The following SGPP2 variants were observed in gnomAD, a reference collection of about 807,000 sequenced individuals.
SGPP2 encodes the protein sphingosine 1-phosphate phosphohydrolase 2.
In SGPP2, 30 loss-of-function variants were observed where a neutral mutation model predicts 33.9. That is an observed-to-expected ratio of 0.89 (90% CI 0.66 to 1.20). The LOEUF (loss-of-function observed/expected upper bound fraction) is 1.20, where lower values mean the gene tolerates loss of function less well. SGPP2 is among the 50% of genes most tolerant of loss of function. SGPP2 has a pLI of 0.00. For missense variants in SGPP2, 458 were observed against 532.1 expected, an observed-to-expected ratio of 0.86 and a Z score of 1.37; for synonymous variants, 233 against 225.0, an observed-to-expected ratio of 1.04 and a Z score of -0.32.
intron 4 of SGPP2, among the ~76,000 whole-genome samples, chr2:222,530,667 C>A (rs972309010): frequency 1.1e-4 from 16 of 152,182 alleles, no homozygotes; most frequent in African/African-American, 3.9e-4. Context: ...GATCTTCTAA[C>A]CAGGCCACTC....
At chr2:222,486,003 T>C (rs1440766074) in intron 2 of SGPP2, among the ~76,000 whole-genome samples, 2 of 152,198 alleles carry the variant, frequency 1.3e-5, no homozygotes, top group Non-Finnish European at 2.9e-5. Context: ...CAGCACAGGG[T>C]GGGGCTTCCC....
chr2:222,475,859 G>T (rs73991408), intron 2 of SGPP2, among the ~76,000 whole-genome samples: 4,475 of 152,266 alleles, frequency 0.029, 240 homozygotes, highest in African/African-American at 0.1. Flanking sequence ...CCCTTGCGCT[G>T]AGCCTTACCT....
intron 4 of SGPP2, 86 bp from the exon 5 acceptor site, chr2:222,558,261 C>A (rs1689450785): frequency 2.2e-6 from 3 of 1,373,200 alleles, no homozygotes; most frequent in Non-Finnish European, 3.0e-6. Flanking sequence ...TTTTAAATAT[C>A]AAATTAGCCA....
At chr2:222,541,987 G>A (rs967711705) in intron 4 of SGPP2, among the ~76,000 whole-genome samples, 1 of 152,072 alleles carries the variant, frequency 6.6e-6, no homozygotes, top group African/African-American at 2.4e-5. Context: ...TGTGCAGCTC[G>A]GTTAATTTCC....
intron 2 of SGPP2, among the ~76,000 whole-genome samples, chr2:222,494,923 A>C (rs1001163081): frequency 2.0e-5 from 3 of 152,170 alleles, no homozygotes; most frequent in Non-Finnish European, 4.4e-5. Flanking sequence ...CTTAAAATAT[A>C]AGAGTTGCTG....
At chr2:222,515,838 AGGCCAGCCT>A (rs1484153461) in intron 2 of SGPP2, among the ~76,000 whole-genome samples, 43 of 152,080 alleles carry the variant, frequency 2.8e-4, no homozygotes, top group African/African-American at 1.0e-3. Context: ...CAGGAGTTCA[AGGCCAGCCT>A]GGCCAGCCTG....
At chr2:222,525,835 C>T (rs2106137057) in intron 4 of SGPP2, among the ~76,000 whole-genome samples, 2 of 152,298 alleles carry the variant, frequency 1.3e-5, no homozygotes, top group African/African-American at 4.8e-5. Flanking sequence ...GAAAGGCCTA[C>T]ACCCCACACG....
intron 1 of SGPP2, among the ~76,000 whole-genome samples, chr2:222,459,138 C>CTTTTTT (rs1697618656): frequency 1.6e-5 from 2 of 121,326 alleles, no homozygotes; most frequent in Admixed American, 8.4e-5. Context: ...TTCTTTCTTT[C>CTTTTTT]TTTCTTTTTT....
Position 222,558,445 on chromosome 2 carries a change from C to T in SGPP2, c.747C>T (p.Phe249=). The T allele has an allele frequency of 1.2e-6, 2 of 1,614,188 alleles. No individual in the cohort carries two copies. Among genetic ancestry groups the T allele is most frequent in the African/African-American group, 1.3e-5 (1 of 75,032 alleles). The change falls in exon 5 of 5, where the codon TTC becomes TTT. Residue 249 remains phenylalanine (F), a synonymous_variant. Coordinates refer to ENST00000321276, the MANE Select transcript of SGPP2 (RefSeq NM_152386.4). ...IDCLDSASPL[F]PVCVIVVPFF... The stretch of plus-strand genomic sequence containing the variant: ...GCCTGGACTCGGCCAGCCCCCTCTT[C>T]CCCGTGTGTGTCATAGTTGTGCCAT...
intron 2 of SGPP2, among the ~76,000 whole-genome samples, chr2:222,518,505 A>C (rs985358784): frequency 2.6e-5 from 4 of 152,164 alleles, no homozygotes; most frequent in African/African-American, 9.7e-5. Context: ...TATTTTGTTT[A>C]TGTTGGTGAG....
At chr2:222,518,474 C>G (rs16863826) in intron 2 of SGPP2, among the ~76,000 whole-genome samples, 22,190 of 152,146 alleles carry the variant, frequency 0.15, 2,512 homozygotes, top group East Asian at 0.51. Context: ...AGGGAACTAG[C>G]ATTAGTAGTT....
intron 1 of SGPP2, among the ~76,000 whole-genome samples, chr2:222,443,235 A>T (rs1466821855): frequency 6.6e-6 from 1 of 152,116 alleles, no homozygotes; most frequent in Non-Finnish European, 1.5e-5. Flanking sequence ...TTTAAAATTT[A>T]ATTTAGATTC....
chr2:222,552,487 G>C (rs568176876), intron 4 of SGPP2, among the ~76,000 whole-genome samples: 1 of 152,288 alleles, frequency 6.6e-6, no homozygotes, highest in Non-Finnish European at 1.5e-5. Flanking sequence ...AGAGGGGGGC[G>C]AGAGATAAAA....
chr2:222,484,238 G>A (rs745669716), intron 2 of SGPP2, among the ~76,000 whole-genome samples: 69 of 152,094 alleles, frequency 4.5e-4, no homozygotes, highest in Non-Finnish European at 7.2e-4. Context: ...TGGAAAACGT[G>A]CTCACATTCT....
At chr2:222,523,803 G>T (rs747931120) in intron 3 of SGPP2, among the ~76,000 whole-genome samples, 35 of 152,174 alleles carry the variant, frequency 2.3e-4, no homozygotes, top group Non-Finnish European at 2.4e-4. Flanking sequence ...AAAAATGTGT[G>T]TTGAGGCTGC....
chr2:222,498,911 C>A (rs1023118806), intron 2 of SGPP2, among the ~76,000 whole-genome samples: 3 of 152,132 alleles, frequency 2.0e-5, no homozygotes, highest in Non-Finnish European at 4.4e-5. Context: ...TTGAAATGTA[C>A]CATCATCCTT....
rs1304435565 is a variant in SGPP2, at chr2:222,460,466, T to C, written c.220-14102T>C. Among the ~76,000 whole-genome samples the C allele has an allele frequency of 6.6e-6, 1 of 152,162 alleles. No individual in the cohort carries two copies. Among genetic ancestry groups the C allele is most frequent in the Non-Finnish European group, 1.5e-5 (1 of 68,024 alleles). On this transcript the variant is annotated intron_variant, in intron 1 of 4. Coordinates refer to ENST00000321276, the MANE Select transcript of SGPP2 (RefSeq NM_152386.4). This position sits in a 1 kb window ranked among gnomAD's most constrained non-coding sequence, Gnocchi z 4.3. ...TGGCAATATGTCTGTGACTTCTCCT[T>C]AAGATACATTTGAATCTGAAAAACA...
At chr2:222,537,998 C>T (rs1161327036) in intron 4 of SGPP2, among the ~76,000 whole-genome samples, 5 of 152,158 alleles carry the variant, frequency 3.3e-5, no homozygotes, top group African/African-American at 4.8e-5. Flanking sequence ...TCAGCAGTAA[C>T]AAAGACTGAA....
chr2:222,548,561 A>G (rs946564997), intron 4 of SGPP2, among the ~76,000 whole-genome samples: 3 of 152,224 alleles, frequency 2.0e-5, no homozygotes, highest in Admixed American at 6.5e-5. Flanking sequence ...GACATGGAAA[A>G]GACATGCTTT....
Sources: allele counts gnomAD v4.1 joint callset (sites outside exome capture counted in the v4.1 genomes callset), GRCh38; gene constraint gnomAD v4.1.1; non-coding constraint Gnocchi (gnomAD v3.1); transcripts MANE v1.5; gene names NCBI Gene and HGNC (gene_info 2026-07-23, HGNC 2026-07-21).